Variants in FAT1 observed in about 807,000 individuals in gnomAD.
The protein encoded by FAT1 is FAT atypical cadherin 1.
FAT1 carries 171 observed loss-of-function variants against 329.8 expected under a neutral mutation model. That is an observed-to-expected ratio of 0.52 (90% CI 0.46 to 0.59). The LOEUF is 0.59. Among genes scored for constraint, FAT1 ranks in the 20% least tolerant of loss-of-function variants. The pLI, the probability that FAT1 is intolerant of heterozygous loss-of-function variation, is 0.00. For synonymous variants in FAT1, 2,233 were observed against 2,228.6 expected (o/e 1.00, Z -0.06); for missense variants, 5,672 against 5,774.4 (o/e 0.98, Z 0.57).
chr4:186,721,431 TTAAG>T (rs1745465333), intron 1 of FAT1, among the ~76,000 whole-genome samples: 1 of 152,210 alleles, frequency 6.6e-6, no homozygotes, highest in Non-Finnish European at 1.5e-5. Flanking sequence ...AACTGAACAA[TTAAG>T]TGAGACCAAA....
At chr4:186,710,517 T>C (rs916248476) in intron 1 of FAT1, among the ~76,000 whole-genome samples, 3 of 152,196 alleles carry the variant, frequency 2.0e-5, no homozygotes, top group African/African-American at 7.2e-5. Context: ...TCAAGTATAA[T>C]ACTTATCAGC....
At chr4:186,663,701 G>A in intron 2 of FAT1, 88 bp from the exon 3 acceptor site, 1 of 1,026,716 alleles carries the variant, frequency 9.7e-7, no homozygotes, top group Non-Finnish European at 1.4e-6. Context: ...GGCTTACTGA[G>A]AGCTTTATAT....
At chr4:186,627,387 T>C (rs1740363608) in intron 9 of FAT1, among the ~76,000 whole-genome samples, 2 of 152,208 alleles carry the variant, frequency 1.3e-5, no homozygotes, top group Non-Finnish European at 2.9e-5. Context: ...AATGAATGAA[T>C]GAGGGAATGG....
At chr4:186,650,716 A>T (rs180756301) in intron 3 of FAT1, among the ~76,000 whole-genome samples, 25 of 152,354 alleles carry the variant, frequency 1.6e-4, no homozygotes, top group Admixed American at 1.6e-3. Flanking sequence ...TAATACCAGG[A>T]AAAATGAACA....
intron 6 of FAT1, 83 bp downstream of exon 6, chr4:186,635,942 T>A: frequency 2.5e-6 from 3 of 1,211,742 alleles, no homozygotes; most frequent in Non-Finnish European, 3.5e-6. Flanking sequence ...AAATCCTGAC[T>A]TGTGCCCAAA....
At chr4:186,689,577 T>TTCACATCACAAGAATTGCG (rs1005339003) in intron 2 of FAT1, among the ~76,000 whole-genome samples, 2 of 152,192 alleles carry the variant, frequency 1.3e-5, no homozygotes, top group African/African-American at 4.8e-5. Flanking sequence ...CAAGAATTGC[T>TTCACATCACAAGAATTGCG]TCACTGTAAT....
chr4:186,615,289 C>T (rs539620659), intron 11 of FAT1, among the ~76,000 whole-genome samples: 22 of 152,142 alleles, frequency 1.4e-4, no homozygotes, highest in Middle Eastern at 3.4e-3. Flanking sequence ...ACTCCTCATC[C>T]CTCAGAAGTT....
chr4:186,689,918 G>A (rs535455787), intron 2 of FAT1, among the ~76,000 whole-genome samples: 4 of 152,256 alleles, frequency 2.6e-5, no homozygotes, highest in Non-Finnish European at 4.4e-5. Flanking sequence ...GCACTCACAA[G>A]CCCATTAGAA....
intron 2 of FAT1, among the ~76,000 whole-genome samples, chr4:186,705,619 A>G (rs1386809677): frequency 6.6e-6 from 1 of 152,206 alleles, no homozygotes; most frequent in Non-Finnish European, 1.5e-5. Flanking sequence ...ACTTTTTGCT[A>G]GGTGCTAAAC....
chr4:186,712,708 C>T (rs1298542199), intron 1 of FAT1, among the ~76,000 whole-genome samples: 1 of 152,152 alleles, frequency 6.6e-6, no homozygotes, highest in Non-Finnish European at 1.5e-5. Flanking sequence ...TGCTGGGCAA[C>T]TCTTAGATTC....
chr4:186,633,995 T>G (rs1370492305), intron 6 of FAT1, among the ~76,000 whole-genome samples, 172 bp from the exon 7 acceptor site: 8 of 152,176 alleles, frequency 5.3e-5, no homozygotes, highest in Non-Finnish European at 7.3e-5. Flanking sequence ...ACAATGCTTG[T>G]TAAGGCAAAG....
intron 2 of FAT1, among the ~76,000 whole-genome samples, chr4:186,677,550 T>C (rs1280092836): frequency 6.6e-6 from 1 of 152,028 alleles, no homozygotes; most frequent in African/African-American, 2.4e-5. Context: ...ATTTTATATA[T>C]GTTTTGAAAT....
chr4:186,627,049 C>A, intron 9 of FAT1, among the ~76,000 whole-genome samples: 1 of 99,390 alleles, frequency 1.0e-5, no homozygotes. Flanking sequence ...ACCAACATGG[C>A]ACCTGACACA....
intron 2 of FAT1, among the ~76,000 whole-genome samples, chr4:186,689,549 C>T (rs1743645172): frequency 6.7e-6 from 1 of 148,744 alleles, no homozygotes; most frequent in African/African-American, 2.6e-5. Context: ...AATGAGCTCA[C>T]ACACTCGCTT....
At chr4:186,682,760 G>A (rs76975777) in intron 2 of FAT1, among the ~76,000 whole-genome samples, 3,720 of 152,316 alleles carry the variant, frequency 0.024, 179 homozygotes, top group African/African-American at 0.086. Flanking sequence ...CAGCCCGGCA[G>A]ATCAGAGGAG....
In FAT1 at chr4:186,588,520, C is replaced by T. The variant is rs1738061621; in HGVS notation, c.*72G>A. 6.6e-7 allele frequency: 1 copy of T among 1,513,582 alleles called. No individual in the cohort carries two copies. Among genetic ancestry groups the T allele is most frequent in the South Asian group, 1.3e-5 (1 of 75,738 alleles). 93.8% of individuals were successfully genotyped at this position (1,513,582 alleles called of 1,614,324 possible). ...CAAAAAAAGCTTGGAAGCACTGCTG[C>T]AAAGAACAGCGCGGATTACTCACAT... On this transcript the variant is annotated 3_prime_UTR_variant, in exon 27 of 27. Coordinates refer to ENST00000441802, the MANE Select transcript of FAT1 (RefSeq NM_005245.4).
At chr4:186,682,276 T>C (rs931517044) in intron 2 of FAT1, among the ~76,000 whole-genome samples, 6 of 152,096 alleles carry the variant, frequency 3.9e-5, no homozygotes, top group Non-Finnish European at 7.4e-5. Context: ...CCTGTAATCC[T>C]AGCACTTTGG....
At chr4:186,656,757 T>C (rs1741922439) in intron 3 of FAT1, among the ~76,000 whole-genome samples, 3 of 152,136 alleles carry the variant, frequency 2.0e-5, no homozygotes, top group African/African-American at 7.2e-5. Flanking sequence ...ACCAGGATAT[T>C]GCTAAGTTTC....
intron 2 of FAT1, among the ~76,000 whole-genome samples, chr4:186,672,660 C>T (rs553359900): frequency 6.0e-4 from 91 of 152,296 alleles, no homozygotes; most frequent in African/African-American, 2.1e-3. Flanking sequence ...AAGTAGGTAA[C>T]GTTATCATAT....
Sources: gnomAD v4.1 joint callset for allele counts (sites outside exome capture counted in the v4.1 genomes callset) on GRCh38, gnomAD v4.1.1 for gene constraint, MANE v1.5 for transcripts, NCBI Gene and HGNC (gene_info 2026-07-23, HGNC 2026-07-21) for gene names.